The following ASRGL1 variants were observed in gnomAD, a reference collection of about 807,000 sequenced individuals.
ASRGL1 encodes the protein isoaspartyl peptidase/L-asparaginase.
In ASRGL1, 16 loss-of-function variants were observed where a neutral mutation model predicts 22.4. The ratio of observed to expected loss-of-function variants is 0.71; its 90% CI spans 0.48 to 1.08. ASRGL1 has a LOEUF of 1.08. Ranked by LOEUF, ASRGL1 falls within the 50% of genes least tolerant of loss-of-function variation. The pLI, the probability that ASRGL1 is intolerant of heterozygous loss-of-function variation, is 0.00. For synonymous variants in ASRGL1, 165 were observed against 159.3 expected, an observed-to-expected ratio of 1.04 and a Z score of -0.27; for missense variants, 412 against 410.1, an observed-to-expected ratio of 1.00 and a Z score of -0.04.
At chr11:62,372,914 T>A in intron 4 of ASRGL1, 1 of 1,576,234 alleles carries the variant, frequency 6.3e-7, no homozygotes, top group Non-Finnish European at 8.7e-7. Context: ...GGAGCCTGGC[T>A]TGTGGGAAGA....
chr11:62,387,760 T>C lies in ASRGL1; in HGVS notation c.492-1373T>C, dbSNP rs80200394. 4.4e-3 allele frequency among the ~76,000 whole-genome samples: 666 copies of C among 152,346 alleles called. 5 individuals are homozygous for C. Among genetic ancestry groups the C allele is most frequent in the Non-Finnish European group, 7.5e-3 (510 of 68,034 alleles). ...ACCTGACATATTATTGCCCTGTTAC[T>C]ACCACCCTCTACCCCAAATGCAGGC... On this transcript the variant is annotated intron_variant, in intron 4 of 6. Coordinates refer to ENST00000415229, the MANE Select transcript of ASRGL1 (RefSeq NM_001083926.2).
At chr11:62,376,192 A>G (rs1320478657) in intron 4 of ASRGL1, among the ~76,000 whole-genome samples, 2 of 72,772 alleles carry the variant, frequency 2.7e-5, no homozygotes, top group Non-Finnish European at 5.5e-5. Flanking sequence ...TTTTTTTTTT[A>G]GCTAACTGTG....
intron 4 of ASRGL1, among the ~76,000 whole-genome samples, chr11:62,381,415 A>G (rs1053348081): frequency 6.6e-6 from 1 of 152,148 alleles, no homozygotes. Flanking sequence ...TGAACTTTCC[A>G]TTCCTTTCTG....
chr11:62,389,625 G>A (rs1319276047), intron 5 of ASRGL1: 1 of 349,396 alleles, frequency 2.9e-6, no homozygotes, highest in Admixed American at 4.0e-5. Flanking sequence ...CATGGGCTCT[G>A]ATTAGCAATC....
At chr11:62,396,010 G>C (rs1737030370), downstream of ASRGL1, among the ~76,000 whole-genome samples, 1 of 151,840 alleles carries the variant, frequency 6.6e-6, no homozygotes, top group South Asian at 2.1e-4. Flanking sequence ...CTGAACACAA[G>C]TGATCCACCC....
intron 5 of ASRGL1, among the ~76,000 whole-genome samples, chr11:62,390,874 G>T (rs1055508042): frequency 4.6e-5 from 7 of 152,164 alleles, no homozygotes; most frequent in African/African-American, 1.7e-4. Context: ...AAGGCTAAAG[G>T]ACTCTGAGGC....
intron 2 of ASRGL1, among the ~76,000 whole-genome samples, chr11:62,353,701 T>C (rs562148918): frequency 6.6e-4 from 101 of 152,336 alleles, no homozygotes; most frequent in African/African-American, 2.3e-3. Flanking sequence ...CTTGGTATTG[T>C]CATCTGTTAA....
chr11:62,371,028 G>A (rs1407004824), intron 4 of ASRGL1: 14 of 469,246 alleles, frequency 3.0e-5, no homozygotes, highest in Non-Finnish European at 4.0e-5. Context: ...GTGGGCTGGA[G>A]CCCTCGTCTG....
the ASRGL1 span, among the ~76,000 whole-genome samples, chr11:62,400,561 C>T: frequency 6.6e-6 from 1 of 152,190 alleles, no homozygotes; most frequent in Non-Finnish European, 1.5e-5. Context: ...AACCCCAACC[C>T]TCCATGCTAT....
chr11:62,359,582 T>A (rs1417637467), intron 4 of ASRGL1, among the ~76,000 whole-genome samples: 1 of 152,188 alleles, frequency 6.6e-6, no homozygotes, highest in Non-Finnish European at 1.5e-5. Flanking sequence ...CTGGTGTGTT[T>A]TACACTTACA....
intron 4 of ASRGL1, 66 bp downstream of exon 4, chr11:62,357,210 G>T: frequency 2.3e-6 from 3 of 1,311,406 alleles, no homozygotes; most frequent in Non-Finnish European, 3.2e-6. Context: ...GCAAATACCT[G>T]GTTATCTACA....
intron 2 of ASRGL1, among the ~76,000 whole-genome samples, chr11:62,352,447 A>T (rs1946189675): frequency 6.6e-6 from 1 of 152,112 alleles, no homozygotes; most frequent in African/African-American, 2.4e-5. Flanking sequence ...TTAGCCGGGT[A>T]TGGTGGCGCA....
At chr11:62,384,774 C>T (rs1947161388) in intron 4 of ASRGL1, among the ~76,000 whole-genome samples, 1 of 132,958 alleles carries the variant, frequency 7.5e-6, no homozygotes, top group South Asian at 2.7e-4. Flanking sequence ...AAAAATTAGC[C>T]GGGAGTGGTG....
At chr11:62,355,764 T>C (rs1037392399) in intron 2 of ASRGL1, among the ~76,000 whole-genome samples, 1 of 152,114 alleles carries the variant, frequency 6.6e-6, no homozygotes, top group African/African-American at 2.4e-5. Context: ...CAGAGGACCC[T>C]GCGGCCTTCC....
chr11:62,375,104 T>TA (rs946604542), intron 4 of ASRGL1, among the ~76,000 whole-genome samples: 3 of 151,970 alleles, frequency 2.0e-5, no homozygotes, highest in African/African-American at 7.3e-5. Context: ...TCTAGAACCC[T>TA]AGCCCAGGGA....
intron 4 of ASRGL1, among the ~76,000 whole-genome samples, chr11:62,374,901 C>T (rs1946872257): frequency 6.6e-6 from 1 of 152,144 alleles, no homozygotes; most frequent in Non-Finnish European, 1.5e-5. Context: ...GATCCATTTC[C>T]CTGGACAGGT....
At chr11:62,391,394 C>G in intron 5 of ASRGL1, 128 bp from the exon 6 acceptor site, 1 of 1,357,956 alleles carries the variant, frequency 7.4e-7, no homozygotes, top group Non-Finnish European at 9.8e-7. Context: ...CAGATCATGG[C>G]TACTAACCTG....
downstream of ASRGL1, among the ~76,000 whole-genome samples, chr11:62,396,031 C>T (rs1314022106): frequency 1.3e-5 from 2 of 151,992 alleles, no homozygotes; most frequent in Non-Finnish European, 2.9e-5. Context: ...ACCTCGGCCC[C>T]CCAAAGTGCT....
intron 2 of ASRGL1, among the ~76,000 whole-genome samples, chr11:62,352,597 G>A (rs1451192379): frequency 1.3e-5 from 2 of 152,026 alleles, no homozygotes; most frequent in Non-Finnish European, 2.9e-5. Context: ...AAAAGAAAAA[G>A]CAGCAGCCTC....
Sources: allele counts gnomAD v4.1 joint callset (sites outside exome capture counted in the v4.1 genomes callset), GRCh38; gene constraint gnomAD v4.1.1; transcripts MANE v1.5; gene names NCBI Gene and HGNC (gene_info 2026-07-23, HGNC 2026-07-21).